The following BPTF variants were observed in gnomAD, a reference collection of about 807,000 sequenced individuals.
BPTF encodes the protein bromodomain PHD finger transcription factor.
A neutral mutation model predicts 292.5 loss-of-function variants in BPTF; 18 were observed. The ratio of observed to expected loss-of-function variants is 0.06; its 90% confidence interval spans 0.04 to 0.09. BPTF has a LOEUF of 0.09. Among genes scored for constraint, BPTF ranks in the 10% least tolerant of loss-of-function variants. The probability of loss-of-function intolerance (pLI) is 1.00; values close to 1 mark genes in which losing one functional copy is unlikely to be tolerated. For missense variants in BPTF, 2,726 were observed against 3,498.7 expected (o/e 0.78, Z 5.57); for synonymous variants, 1,225 against 1,251.9 (o/e 0.98, Z 0.45).
At position 67,911,474 on chromosome 17, in the gene BPTF, C is replaced by T. The variant is rs201807939; in HGVS notation, c.3590C>T (p.Ala1197Val). ...NDIEEKVSDLASRGQEPSKSK... is the reference protein window; with the variant it reads ...NDIEEKVSDLVSRGQEPSKSK... ...ATAGAAGAAAAAGTCTCTGACCTTG[C>T]CAGTAGAGGCCAGGAACCCAGTAAG... The change falls in exon 11 of 28, where the codon GCC (alanine) becomes GTC (valine). Residue 1197 changes from alanine (A) to valine (V), a missense_variant. Around this residue, in one of 22 missense-constraint regions of BPTF, gnomAD observed 713 missense variants for 714.9 expected, o/e 1.00. Coordinates refer to ENST00000306378, the MANE Select transcript of BPTF (RefSeq NM_182641.4). 11 of 1,613,978 alleles carry T rather than the reference C, an allele frequency of 6.8e-6. No individual in the cohort carries two copies. The Admixed American group carries it at 1.5e-4, about 22-fold the overall frequency.
chr17:67,860,065 C>T (rs1232581032), intron 2 of BPTF, among the ~76,000 whole-genome samples: 2 of 152,076 alleles, frequency 1.3e-5, no homozygotes, highest in African/African-American at 2.4e-5. Context: ...AAGCTATGGT[C>T]GTCATTCAAA....
chr17:67,858,753 G>GT (rs1427229286), intron 2 of BPTF, among the ~76,000 whole-genome samples: 81 of 152,274 alleles, frequency 5.3e-4, no homozygotes, highest in African/African-American at 1.9e-3. Context: ...AAATTAGGAA[G>GT]TAAGTGAAAT....
intron 4 of BPTF, among the ~76,000 whole-genome samples, chr17:67,881,291 C>A (rs1174599439): frequency 6.6e-6 from 1 of 151,968 alleles, no homozygotes; most frequent in Non-Finnish European, 1.5e-5. Flanking sequence ...TCTCTTAATA[C>A]CTATTCAGTT....
chr17:67,856,591 T>A (rs1200218938), intron 2 of BPTF, among the ~76,000 whole-genome samples: 1 of 152,138 alleles, frequency 6.6e-6, no homozygotes, highest in Non-Finnish European at 1.5e-5. Flanking sequence ...CATTGGATGA[T>A]TTTCATTGTC....
At chr17:67,897,971 A>C (rs2061561375) in intron 7 of BPTF, among the ~76,000 whole-genome samples, 1 of 152,034 alleles carries the variant, frequency 6.6e-6, no homozygotes. Context: ...GTATGCAGAT[A>C]TATTCAGGAG....
chr17:67,866,869 A>G (rs2059418934), intron 3 of BPTF, among the ~76,000 whole-genome samples, 182 bp downstream of exon 3: 1 of 152,242 alleles, frequency 6.6e-6, no homozygotes, highest in African/African-American at 2.4e-5. Flanking sequence ...AACATCATAG[A>G]GTACACTTAC....
chr17:67,876,315 A>T (rs2060045889), intron 4 of BPTF, among the ~76,000 whole-genome samples: 2 of 152,218 alleles, frequency 1.3e-5, no homozygotes, highest in Admixed American at 1.3e-4. Flanking sequence ...CTGTTGCATA[A>T]CATGAAGGAT....
intron 1 of BPTF, among the ~76,000 whole-genome samples, chr17:67,836,195 C>G (rs1482184600): frequency 6.6e-6 from 1 of 152,164 alleles, no homozygotes; most frequent in East Asian, 1.9e-4. Flanking sequence ...AATTATTTAT[C>G]TATGGAACCC....
intron 24 of BPTF, among the ~76,000 whole-genome samples, chr17:67,962,109 C>T (rs1417704780): frequency 6.6e-6 from 1 of 150,766 alleles, no homozygotes; most frequent in Non-Finnish European, 1.5e-5. Flanking sequence ...TGCCCCTGCT[C>T]TGCAGCCTGG....
intron 22 of BPTF, 119 bp from the exon 23 acceptor site, chr17:67,947,962 C>A: frequency 7.9e-7 from 1 of 1,262,088 alleles, no homozygotes; most frequent in Non-Finnish European, 1.1e-6. Context: ...TTGAACCACT[C>A]TTGACGTTTT....
chr17:67,982,264 C>G lies in BPTF; in HGVS notation c.8739C>G (p.Asn2913Lys). ...CTATATTCTGTAGGTCTCATAACAA[C>G]AAACTGCAGTCTACAGCTTCTTAAA... Reference protein sequence around the residue: ...KGFKASRSHNNKLQSTAS With the variant: ...KGFKASRSHNKKLQSTAS Residue 2913 changes from asparagine to lysine, a missense_variant, in exon 28 of 28, where the codon AAC becomes AAG. By Grantham distance (94) the Asn-to-Lys change is moderately conservative (BLOSUM62 0). Transcript: ENST00000306378. 1 of 1,611,338 alleles carries G rather than the reference C, an allele frequency of 6.2e-7. No homozygotes were observed. Among genetic ancestry groups the G allele is most frequent in the Non-Finnish European group, 8.5e-7 (1 of 1,178,178 alleles).
intron 4 of BPTF, among the ~76,000 whole-genome samples, chr17:67,885,530 C>T (rs2060695967): frequency 6.6e-6 from 1 of 152,190 alleles, no homozygotes; most frequent in Admixed American, 6.5e-5. Flanking sequence ...GTGGAGGCTA[C>T]AGTCAGCCGA....
chr17:67,982,087 A>G (rs2070484059), intron 27 of BPTF, 165 bp from the exon 28 acceptor site: 3 of 664,232 alleles, frequency 4.5e-6, no homozygotes, highest in Non-Finnish European at 8.3e-6. Context: ...TTTTAATATT[A>G]TAGGTTAAAA....
chr17:67,893,349 T>A (rs373636454), intron 5 of BPTF, 21 bp from the exon 6 acceptor site: 6 of 1,429,394 alleles, frequency 4.2e-6, no homozygotes, highest in Admixed American at 3.4e-5. Flanking sequence ...AATAATGCAG[T>A]CTTTTTATTT....
In BPTF at chr17:67,964,312, C is replaced by A; in HGVS notation, c.8362C>A (p.Gln2788Lys). ...GCTCATTGATGAGTATGTCTGTCCA[C>A]AGTGCCAGTCAACAGAGGATGCCAT... The part of the protein sequence containing the change: ...AELIDEYVCP[Q>K]CQSTEDAMTV... The change falls in exon 25 of 28, where the codon CAG becomes AAG. Residue 2788 changes from glutamine to lysine, a missense_variant. Physicochemically the swap from Gln to Lys is moderately conservative, Grantham distance 53 (BLOSUM62 1). Transcript: ENST00000306378. 6.2e-7 allele frequency: 1 copy of A among 1,614,170 alleles called. No homozygotes were observed. The highest frequency in any genetic ancestry group is 8.5e-7 in the Non-Finnish European group (1 of 1,180,034).
At chr17:67,837,014 G>A (rs2057183940) in intron 1 of BPTF, among the ~76,000 whole-genome samples, 1 of 152,162 alleles carries the variant, frequency 6.6e-6, no homozygotes, top group Admixed American at 6.5e-5. Flanking sequence ...AATAGCATGA[G>A]TTGTGAATCT....
intron 1 of BPTF, among the ~76,000 whole-genome samples, chr17:67,842,072 G>A (rs1363072697): frequency 6.6e-6 from 1 of 151,846 alleles, no homozygotes; most frequent in African/African-American, 2.4e-5. Context: ...AACCATACAG[G>A]TTTCTTTATT....
At chr17:67,977,739 G>A (rs2069695235) in intron 27 of BPTF, 1 of 151,126 alleles carries the variant, frequency 6.6e-6, no homozygotes, top group Admixed American at 6.6e-5. Flanking sequence ...AGCTACTAGG[G>A]AGGCTGAGGC....
chr17:67,950,625 G>A (rs2066261777), intron 23 of BPTF, among the ~76,000 whole-genome samples: 1 of 151,878 alleles, frequency 6.6e-6, no homozygotes, highest in Non-Finnish European at 1.5e-5. Flanking sequence ...ATCATTTGAG[G>A]TCAGGAGTTC....
Sources: gnomAD v4.1 joint callset for allele counts (sites outside exome capture counted in the v4.1 genomes callset) on GRCh38, gnomAD v4.1.1 for gene constraint, gnomAD v4.1.1 regional missense constraint, MANE v1.5 for transcripts, NCBI Gene and HGNC (gene_info 2026-07-23, HGNC 2026-07-21) for gene names.